UTP20: variants seen among roughly 807,000 people sequenced by gnomAD.
UTP20 encodes small subunit processome component 20 homolog.
A neutral mutation model predicts 329.5 loss-of-function variants in UTP20; 164 were observed. The observed-to-expected ratio is 0.50, with a 90% CI of 0.44 to 0.57. UTP20 has a LOEUF of 0.57. UTP20 is among the 20% of genes least tolerant of loss of function. UTP20 has a pLI of 0.00. For missense variants in UTP20, 3,055 were observed against 3,284.2 expected, an observed-to-expected ratio of 0.93 and a Z score of 1.71; for synonymous variants, 1,151 against 1,159.3, an observed-to-expected ratio of 0.99 and a Z score of 0.14.
At chr12:101,291,253 C>G (rs1171187693) in intron 8 of UTP20, 1 of 172,850 alleles carries the variant, frequency 5.8e-6, no homozygotes, top group Non-Finnish European at 1.2e-5. Context: ...TGAGTGAATA[C>G]TTGTAAAAAA....
At chr12:101,380,616 A>G (rs1297727206) in intron 57 of UTP20, among the ~76,000 whole-genome samples, 1 of 151,876 alleles carries the variant, frequency 6.6e-6, no homozygotes, top group Non-Finnish European at 1.5e-5. Context: ...TAATCCCAAC[A>G]CATTGGGAGG....
At position 101,353,059 on chromosome 12, in the gene UTP20, A is replaced by G; in HGVS notation, c.5037A>G (p.Ile1679Met). 6.4e-7 allele frequency: 1 copy of G among 1,562,458 alleles called. No homozygotes were observed. The highest frequency in any genetic ancestry group is 8.7e-7 in the Non-Finnish European group (1 of 1,149,046). The change falls in exon 40 of 62, where the codon ATA becomes ATG. Residue 1679 changes from isoleucine to methionine, a missense_variant. Physicochemically the swap from Ile to Met is conservative, Grantham distance 10. Around this residue, in one of 3 missense-constraint regions of UTP20, gnomAD observed 2,445 missense variants for 2,575.5 expected, o/e 0.95. Coordinates refer to ENST00000261637, the MANE Select transcript of UTP20 (RefSeq NM_014503.3). Reference protein sequence around the residue: ...NQKLGVSLLVIVLEAFHFDHK... With the variant: ...NQKLGVSLLVMVLEAFHFDHK... ...TTTTTTTTAACAGTTTGCTAGTAATAGTGTTAGAAGCATTCCACTTTGACC... is the reference window on the plus strand; with the variant it reads ...TTTTTTTTAACAGTTTGCTAGTAATGGTGTTAGAAGCATTCCACTTTGACC...
At chr12:101,335,217 G>T (rs1385812221) in intron 29 of UTP20, among the ~76,000 whole-genome samples, 1 of 151,578 alleles carries the variant, frequency 6.6e-6, no homozygotes, top group Non-Finnish European at 1.5e-5. Context: ...GGAAAAATAG[G>T]TAAAATAACA....
rs200304349 is a variant in UTP20 at position 101,344,709 on chromosome 12, C to T, written c.4564C>T (p.Leu1522Phe). ...KDYREIIHRS[L>F]LEKLRKGLKS... Reference sequence around the variant, plus strand: ...CTATAGAGAAATCATCCACCGTTCACTCCTGGAGAAATTGAGAAAAGGTCT... The same window carrying T: ...CTATAGAGAAATCATCCACCGTTCATTCCTGGAGAAATTGAGAAAAGGTCT... The change falls in exon 36 of 62, where the codon CTC (leucine) becomes TTC (phenylalanine). Residue 1522 changes from leucine to phenylalanine, a missense_variant. Around this residue, in one of 3 missense-constraint regions of UTP20, gnomAD observed 2,445 missense variants for 2,575.5 expected, o/e 0.95. Transcript: ENST00000261637. 2 of 1,613,818 alleles carry T rather than the reference C, an allele frequency of 1.2e-6. No homozygotes were observed. The highest frequency in any genetic ancestry group is 2.2e-5 in the East Asian group (1 of 44,858).
intron 6 of UTP20, 37 bp downstream of exon 6, chr12:101,289,078 C>G: frequency 6.4e-7 from 1 of 1,570,006 alleles, no homozygotes; most frequent in Non-Finnish European, 8.8e-7. Context: ...TGCTAATCAT[C>G]AAGAATCTGA....
At chr12:101,333,875 G>A (rs774807143) in intron 28 of UTP20, among the ~76,000 whole-genome samples, 1 of 152,202 alleles carries the variant, frequency 6.6e-6, no homozygotes, top group Non-Finnish European at 1.5e-5. Flanking sequence ...TGTTGGCCAG[G>A]CTGGTCTTGA....
chr12:101,372,947 A>C lies in UTP20; in HGVS notation c.6862A>C (p.Met2288Leu), dbSNP rs754729985. 13 of 1,614,082 alleles carry C rather than the reference A, an allele frequency of 8.1e-6. No individual in the cohort carries two copies. The South Asian group carries it at 1.4e-4, about 18-fold the overall frequency. Residue 2288 changes from methionine (M) to leucine (L), a missense_variant, in exon 52 of 62, where the codon ATG becomes CTG. This residue lies in a region of UTP20 where 273 missense variants were observed against 363.1 expected (regional missense o/e 0.75). Coordinates refer to ENST00000261637, the MANE Select transcript of UTP20 (RefSeq NM_014503.3). ...GDKLRPNLEF[M>L]LAQLNYEHET... ...CAAATTGAGACCAAACTTGGAATTC[A>C]TGCTCGCTCAACTGAAGTAAGCTTA...
Position 101,383,593 on chromosome 12 carries a change from A to G in UTP20, c.7980A>G (p.Ile2660Met). The change falls in exon 60 of 62, where the codon ATA (isoleucine) becomes ATG (methionine). Residue 2660 changes from isoleucine to methionine, a missense_variant. Coordinates refer to ENST00000261637, the MANE Select transcript of UTP20 (RefSeq NM_014503.3). The stretch of plus-strand genomic sequence containing the variant: ...GCGCCGTAGCAATGGATCTTGGGAT[A>G]GACAAGGTAAAGCCGTATCTCCCAA... ...FLGAVAMDLG[I>M]DKVKPYLPMI... 6.2e-7 allele frequency: 1 copy of G among 1,613,916 alleles called. No homozygotes were observed. The highest frequency in any genetic ancestry group is 8.5e-7 in the Non-Finnish European group (1 of 1,179,950).
chr12:101,376,978 A>G (rs1870496190), intron 56 of UTP20, among the ~76,000 whole-genome samples: 1 of 151,746 alleles, frequency 6.6e-6, no homozygotes, highest in Admixed American at 6.6e-5. Flanking sequence ...GACAGGTTTC[A>G]CCATGTTAGC....
At position 101,280,289 on chromosome 12, in the gene UTP20, A is replaced by C. The variant is rs1047957812; in HGVS notation, c.7A>C (p.Thr3Pro). 10 of 1,551,608 alleles carry C rather than the reference A, an allele frequency of 6.4e-6. No homozygotes were observed. In the African/African-American group the frequency reaches 1.4e-4, roughly 21 times the overall value. The change falls in exon 1 of 62, where the codon ACA becomes CCA. Residue 3 changes from threonine (T) to proline (P), a missense_variant. Thr to Pro is a conservative substitution (Grantham distance 38). Transcript: ENST00000261637. ...CCACTGGCCCTCTGCAGCCATGAAG[A>C]CAAAGCCCGTTTCCCACAAGACCGA... Reference protein sequence around the residue: MKTKPVSHKTENT... With the variant: MKPKPVSHKTENT...
chr12:101,355,918 A>G (rs575421233), intron 41 of UTP20, among the ~76,000 whole-genome samples: 1 of 152,276 alleles, frequency 6.6e-6, no homozygotes, highest in East Asian at 1.9e-4. Flanking sequence ...CACGTTTTAT[A>G]TGAGTTTCCT....
chr12:101,295,358 T>G, intron 11 of UTP20, 122 bp from the exon 12 acceptor site: 1 of 852,062 alleles, frequency 1.2e-6, no homozygotes, highest in Non-Finnish European at 1.7e-6. Flanking sequence ...ATTGTTCCTA[T>G]GTAGAGGTCT....
Position 101,317,607 on chromosome 12 carries a change from G to C in UTP20, c.2682G>C (p.Glu894Asp). Residue 894 changes from glutamate (E) to aspartate (D), a missense_variant, in exon 22 of 62, where the codon GAG becomes GAC. Physicochemically the swap from Glu to Asp is conservative, Grantham distance 45. Around this residue, in one of 3 missense-constraint regions of UTP20, gnomAD observed 2,445 missense variants for 2,575.5 expected, o/e 0.95. Coordinates refer to ENST00000261637, the MANE Select transcript of UTP20 (RefSeq NM_014503.3). ...GAGATGATGAAGAGTTGGAGGAAGA[G>C]GCAGTGCCCCAAGATGAATCCTCAC... ...AAGDDEELEEEAVPQDESSQK... is the reference protein window; with the variant it reads ...AAGDDEELEEDAVPQDESSQK... 6.2e-7 allele frequency: 1 copy of C among 1,614,088 alleles called. No homozygotes were observed. Among genetic ancestry groups the C allele is most frequent in the Admixed American group, 1.7e-5 (1 of 60,012 alleles).
At chr12:101,372,277 G>T (rs992998110) in intron 51 of UTP20, among the ~76,000 whole-genome samples, 1 of 152,172 alleles carries the variant, frequency 6.6e-6, no homozygotes, top group Admixed American at 6.5e-5. Context: ...GTTTGAAAGT[G>T]CAGCCTTTGG....
intron 15 of UTP20, among the ~76,000 whole-genome samples, chr12:101,305,078 C>T (rs752394000): frequency 2.6e-4 from 39 of 151,986 alleles, no homozygotes; most frequent in Admixed American, 6.6e-4. Flanking sequence ...ACCTCCACAC[C>T]GTCTCCCCAC....
At chr12:101,336,377 G>A (rs1868935750) in intron 29 of UTP20, among the ~76,000 whole-genome samples, 1 of 152,214 alleles carries the variant, frequency 6.6e-6, no homozygotes, top group Non-Finnish European at 1.5e-5. Flanking sequence ...CTATAGAGAA[G>A]TCTAGCATTT....
chr12:101,324,248 T>TTATTTATTTATC (rs1389098660), intron 25 of UTP20, among the ~76,000 whole-genome samples: 2 of 151,590 alleles, frequency 1.3e-5, no homozygotes, highest in African/African-American at 4.9e-5. Context: ...ATTTATTTAT[T>TTATTTATTTATC]TATTTCAGAG....
At chr12:101,306,296 G>A (rs940140769) in intron 16 of UTP20, among the ~76,000 whole-genome samples, 7 of 152,182 alleles carry the variant, frequency 4.6e-5, no homozygotes, top group African/African-American at 1.7e-4. Context: ...ATTCAGTAGG[G>A]CTAGGGTAGA....
At chr12:101,348,741 T>G (rs1380766439) in intron 38 of UTP20, among the ~76,000 whole-genome samples, 1 of 99,774 alleles carries the variant, frequency 1.0e-5, no homozygotes, top group Admixed American at 1.0e-4. Context: ...TTTTGGTGGT[T>G]TTTTTTTTTT....
Sources: gnomAD v4.1 joint callset for allele counts (sites outside exome capture counted in the v4.1 genomes callset) on GRCh38, gnomAD v4.1.1 for gene constraint, gnomAD v4.1.1 regional missense constraint, MANE v1.5 for transcripts, NCBI Gene and HGNC (gene_info 2026-07-23, HGNC 2026-07-21) for gene names.